The following TRPA1 variants were observed in gnomAD, a reference collection of about 807,000 sequenced individuals.
TRPA1 encodes transient receptor potential cation channel subfamily A member 1, also known as ankyrin-like with transmembrane domains 1.
A neutral mutation model predicts 131.3 loss-of-function variants in TRPA1; 129 were observed. The ratio of observed to expected loss-of-function variants is 0.98; its 90% CI spans 0.85 to 1.14. TRPA1 has a LOEUF of 1.14. TRPA1 is among the 50% of genes most tolerant of loss of function. TRPA1 has a pLI of 0.00. For synonymous variants in TRPA1, 441 were observed against 451.7 expected, an observed-to-expected ratio of 0.98 and a Z score of 0.30; for missense variants, 1,304 against 1,354.2, an observed-to-expected ratio of 0.96 and a Z score of 0.58.
intron 4 of TRPA1, among the ~76,000 whole-genome samples, chr8:72,064,265 A>T (rs200475349): frequency 2.6e-3 from 76 of 29,158 alleles, no homozygotes; most frequent in East Asian, 2.3e-3. Flanking sequence ...TATATATATA[A>T]TATATATATA....
At chr8:72,078,598 T>G (rs1806231790), upstream of TRPA1, among the ~76,000 whole-genome samples, 1 of 152,146 alleles carries the variant, frequency 6.6e-6, no homozygotes, top group Admixed American at 6.5e-5. Context: ...TTCTTCCTTT[T>G]TATTGATCAA....
At chr8:72,026,841 T>A (rs1811628355) in intron 24 of TRPA1, among the ~76,000 whole-genome samples, 1 of 152,180 alleles carries the variant, frequency 6.6e-6, no homozygotes, top group Non-Finnish European at 1.5e-5. Context: ...ACAAATACTT[T>A]CCAATATTAG....
intron 24 of TRPA1, chr8:72,029,688 TCTC>T (rs1420187869): frequency 4.6e-6 from 3 of 648,042 alleles, no homozygotes; most frequent in Non-Finnish European, 8.5e-6. Flanking sequence ...TATGTGGTAT[TCTC>T]CTGGGATGCC....
At chr8:72,037,896 A>G in intron 20 of TRPA1, 87 bp downstream of exon 20, 1 of 793,136 alleles carries the variant, frequency 1.3e-6, no homozygotes, top group Non-Finnish European at 2.2e-6. Context: ...ATTATGACAT[A>G]ATATCTCAAG....
At chr8:72,055,190 GA>G (rs568494805) in intron 12 of TRPA1, 258,171 of 488,734 alleles carry the variant, frequency 0.53, 69,531 homozygotes, top group East Asian at 0.68. Context: ...ATTATTCTGT[GA>G]ACAGAATATT....
At chr8:72,046,017 C>T (rs1179011603) in intron 17 of TRPA1, among the ~76,000 whole-genome samples, 2 of 151,956 alleles carry the variant, frequency 1.3e-5, no homozygotes, top group Non-Finnish European at 2.9e-5. Context: ...GCTAGCTGAA[C>T]TTAGAAGCTG....
intron 21 of TRPA1, among the ~76,000 whole-genome samples, chr8:72,035,687 A>G (rs1812010707): frequency 6.6e-6 from 1 of 152,098 alleles, no homozygotes; most frequent in Non-Finnish European, 1.5e-5. Context: ...TTTCTTTTAT[A>G]CCACTTCAAT....
At chr8:72,051,168 T>C (rs780870224) in intron 14 of TRPA1, among the ~76,000 whole-genome samples, 1 of 152,186 alleles carries the variant, frequency 6.6e-6, no homozygotes, top group Non-Finnish European at 1.5e-5. Flanking sequence ...TATCTTCTTT[T>C]TCTCCTGAAG....
intron 6 of TRPA1, 102 bp downstream of exon 6, chr8:72,062,697 G>A: frequency 1.7e-6 from 2 of 1,151,758 alleles, no homozygotes; most frequent in Non-Finnish European, 2.6e-6. Context: ...TGTATTTCTT[G>A]TATGTATTTC....
rs899946044 is a variant in TRPA1 at position 72,022,599 on chromosome 8, ACTT to A, written c.*304_*306del. On this transcript the variant is annotated 3_prime_UTR_variant, in exon 27 of 27. Transcript: ENST00000262209. ...TTTTAGCTTAATAGTTACATTTATT[ACTT>A]CTTTTCATTAAAAATGTGTGTTCTA... The A allele has an allele frequency of 9.0e-6, 4 of 443,646 alleles. No homozygotes were observed. The highest frequency in any genetic ancestry group is 1.7e-5 in the Non-Finnish European group (4 of 239,672). 27.5% of individuals were successfully genotyped at this position (443,646 alleles called of 1,614,324 possible). A position where few individuals can be genotyped will look rare whatever the true frequency, so the allele number is the denominator to read the frequency against.
intron 20 of TRPA1, 126 bp from the exon 21 acceptor site, chr8:72,036,583 A>G: frequency 1.2e-6 from 1 of 846,060 alleles, no homozygotes; most frequent in Admixed American, 2.4e-5. Context: ...TTTAGGACCA[A>G]GGAGTAACCT....
intron 23 of TRPA1, among the ~76,000 whole-genome samples, chr8:72,030,570 A>T (rs1226634149): frequency 6.6e-6 from 1 of 152,188 alleles, no homozygotes; most frequent in African/African-American, 2.4e-5. Flanking sequence ...CTTAAGACAT[A>T]CAAATTAATC....
chr8:72,071,805 T>C lies in TRPA1; in HGVS notation c.174A>G (p.Arg58=), dbSNP rs375975650. The C allele has an allele frequency of 1.2e-6, 2 of 1,613,306 alleles. No homozygotes were observed. Among genetic ancestry groups the C allele is most frequent in the Admixed American group, 1.7e-5 (1 of 60,004 alleles). Reference sequence around the variant, plus strand: ...AGAAGAAGGTGTCCATATCGTCACATCTTTTTAATTTCTTTTGCTTATTAA... The same window carrying C: ...AGAAGAAGGTGTCCATATCGTCACACCTTTTTAATTTCTTTTGCTTATTAA... ...QNFNKQKKLK[R]CDDMDTFFLH... Residue 58 remains arginine, a synonymous_variant, in exon 2 of 27, where the codon AGA becomes AGG. Transcript: ENST00000262209.
chr8:72,037,225 T>G (rs1160833744), intron 20 of TRPA1, among the ~76,000 whole-genome samples: 1 of 152,114 alleles, frequency 6.6e-6, no homozygotes, highest in African/African-American at 2.4e-5. Context: ...ATTATCAAAT[T>G]TATAAATGCA....
intron 12 of TRPA1, chr8:72,054,081 T>C: frequency 1.8e-6 from 1 of 568,076 alleles, no homozygotes; most frequent in South Asian, 2.0e-5. Flanking sequence ...ATACACGTTT[T>C]TTACTTAGTG....
At chr8:72,079,186 A>G (rs1308936124), upstream of TRPA1, among the ~76,000 whole-genome samples, 1 of 152,016 alleles carries the variant, frequency 6.6e-6, no homozygotes, top group East Asian at 1.9e-4. Flanking sequence ...AGAAGCTGTT[A>G]TTTCTCTTTA....
At chr8:72,039,628 C>G in intron 18 of TRPA1, 99 bp downstream of exon 18, 1 of 856,326 alleles carries the variant, frequency 1.2e-6, no homozygotes, top group Non-Finnish European at 1.9e-6. Flanking sequence ...ATAACAAAAG[C>G]TAAAACATTA....
intron 21 of TRPA1, among the ~76,000 whole-genome samples, chr8:72,035,339 T>A (rs1468423656): frequency 1.3e-5 from 2 of 152,178 alleles, no homozygotes; most frequent in Non-Finnish European, 2.9e-5. Flanking sequence ...GGCCACTGCC[T>A]TTCTCACCAT....
intron 15 of TRPA1, among the ~76,000 whole-genome samples, chr8:72,047,473 G>A (rs1255053139): frequency 3.3e-5 from 5 of 152,004 alleles, no homozygotes; most frequent in African/African-American, 9.7e-5. Context: ...CTAAAATCTA[G>A]GCAAGAGATA....
Sources: gnomAD v4.1 joint callset for allele counts (sites outside exome capture counted in the v4.1 genomes callset) on GRCh38, gnomAD v4.1.1 for gene constraint, MANE v1.5 for transcripts, NCBI Gene and HGNC (gene_info 2026-07-23, HGNC 2026-07-21) for gene names.